GLIS3: variants seen among roughly 807,000 people sequenced by gnomAD.
The protein encoded by GLIS3 is zinc finger protein GLIS3.
Under a neutral mutation model 78.6 loss-of-function variants are expected in GLIS3, and 53 were observed. That is an observed-to-expected ratio of 0.67 (90% CI 0.54 to 0.85). GLIS3 has a LOEUF of 0.85. Among genes scored for constraint, GLIS3 ranks in the 40% least tolerant of loss-of-function variants. The probability of loss-of-function intolerance (pLI) is 0.00; values close to 1 mark genes in which losing one functional copy is unlikely to be tolerated. For synonymous variants in GLIS3, 684 were observed against 509.9 expected, an observed-to-expected ratio of 1.34 and a Z score of -4.60; for missense variants, 1,703 against 1,231.1, an observed-to-expected ratio of 1.38 and a Z score of -5.74.
Position 4,243,396 on chromosome 9 carries a change from A to ATG in GLIS3, c.388+42641_388+42642insCA, listed in dbSNP as rs1554633320. On this transcript the variant is annotated intron_variant, in intron 2 of 10. Transcript: ENST00000381971. Reference sequence around the variant, plus strand: ...TACATGTTTACACATGCACACATACACGCACACACACACACACATACGCAT... The same window carrying ATG: ...TACATGTTTACACATGCACACATACATGCGCACACACACACACACATACGCAT... Among the ~76,000 whole-genome samples, 5 of 147,500 alleles carry ATG rather than the reference A, an allele frequency of 3.4e-5. No homozygotes were observed. In the South Asian group the frequency reaches 8.4e-4, roughly 25 times the overall value.
chr9:3,966,612 T>C (rs12237194), intron 4 of GLIS3, among the ~76,000 whole-genome samples: 2 of 151,930 alleles, frequency 1.3e-5, no homozygotes, highest in East Asian at 1.9e-4. Flanking sequence ...CTGGCCAACA[T>C]GGTGAAACCC....
chr9:4,403,398 C>T, the GLIS3 span, among the ~76,000 whole-genome samples: 1 of 152,048 alleles, frequency 6.6e-6, no homozygotes, highest in African/African-American at 2.4e-5. Flanking sequence ...AGTAAGCACA[C>T]AGAAAAACAC....
In GLIS3 at chr9:4,084,440, A is replaced by T. The variant is rs367635414; in HGVS notation, c.1710+33328T>A. Among the ~76,000 whole-genome samples the T allele has an allele frequency of 3.9e-5, 6 of 152,250 alleles. No homozygotes were observed. The East Asian group carries it at 7.7e-4, about 20-fold the overall frequency. ...AAATTGCTAATGCTATCAAGCCAAG[A>T]GCCTCCAGCAGGTTCGCGTGGTGGA... On this transcript the variant is annotated intron_variant, in intron 4 of 10. Coordinates refer to ENST00000381971, the MANE Select transcript of GLIS3 (RefSeq NM_001042413.2).
At chr9:3,988,373 T>C (rs925445023) in intron 4 of GLIS3, among the ~76,000 whole-genome samples, 4 of 152,170 alleles carry the variant, frequency 2.6e-5, no homozygotes, top group Admixed American at 6.6e-5. Flanking sequence ...TTTACTGTTA[T>C]GTTGATGACT....
At chr9:3,886,183 A>G (rs1822059372) in intron 7 of GLIS3, among the ~76,000 whole-genome samples, 1 of 152,194 alleles carries the variant, frequency 6.6e-6, no homozygotes, top group South Asian at 2.1e-4. Context: ...TATCTAAACT[A>G]CAGATGGAAG....
the GLIS3 span, among the ~76,000 whole-genome samples, chr9:4,475,589 A>G: frequency 6.6e-6 from 1 of 152,244 alleles, no homozygotes; most frequent in East Asian, 1.9e-4. Flanking sequence ...AGATTTCTTT[A>G]TAATAAACCT....
At chr9:4,062,905 G>A (rs1180439770) in intron 4 of GLIS3, among the ~76,000 whole-genome samples, 6 of 151,850 alleles carry the variant, frequency 4.0e-5, no homozygotes, top group African/African-American at 1.2e-4. Context: ...CTTCAGCCTG[G>A]GTGACTGAGC....
intron 2 of GLIS3, among the ~76,000 whole-genome samples, chr9:4,131,039 G>C (rs1027208737): frequency 1.3e-5 from 2 of 152,178 alleles, no homozygotes; most frequent in African/African-American, 4.8e-5. Context: ...TTATTTGGGA[G>C]CTTTAAGATT....
intron 6 of GLIS3, among the ~76,000 whole-genome samples, chr9:3,921,850 GAAT>G (rs1824909774): frequency 6.6e-6 from 1 of 151,342 alleles, no homozygotes; most frequent in African/African-American, 2.4e-5. Context: ...AATAAATTTT[GAAT>G]AATCAAATCT....
chr9:3,830,407 G>A (rs990626608), intron 9 of GLIS3, among the ~76,000 whole-genome samples: 1 of 152,138 alleles, frequency 6.6e-6, no homozygotes, highest in Non-Finnish European at 1.5e-5. Context: ...CATTATTGGA[G>A]GGAGCATTGT....
At chr9:4,393,252 A>G in the GLIS3 span, among the ~76,000 whole-genome samples, 2 of 152,004 alleles carry the variant, frequency 1.3e-5, no homozygotes, top group Admixed American at 6.6e-5. Flanking sequence ...TTCTGTTACT[A>G]TTTCTATTTC....
At chr9:4,384,811 C>G in the GLIS3 span, among the ~76,000 whole-genome samples, 2 of 152,112 alleles carry the variant, frequency 1.3e-5, no homozygotes, top group African/African-American at 4.8e-5. Flanking sequence ...ACCCACTCAA[C>G]CTCCAGCCCC....
intron 9 of GLIS3, among the ~76,000 whole-genome samples, chr9:3,849,804 G>T (rs145982656): frequency 1.3e-5 from 2 of 152,098 alleles, no homozygotes; most frequent in Non-Finnish European, 2.9e-5. Context: ...AGCTACTCAG[G>T]AGGCTGAGGC....
chr9:4,057,583 G>A (rs1235523785), intron 4 of GLIS3, among the ~76,000 whole-genome samples: 2 of 151,736 alleles, frequency 1.3e-5, no homozygotes, highest in Admixed American at 6.6e-5. Flanking sequence ...TGAAAAAAAA[G>A]CACAATGTAA....
chr9:4,222,631 T>C (rs1277725100), intron 2 of GLIS3, among the ~76,000 whole-genome samples: 1 of 152,194 alleles, frequency 6.6e-6, no homozygotes, highest in Non-Finnish European at 1.5e-5. Context: ...ATCACTAATT[T>C]TGCAGGCAAG....
At chr9:4,483,788 C>A in the GLIS3 span, among the ~76,000 whole-genome samples, 2 of 151,310 alleles carry the variant, frequency 1.3e-5, no homozygotes, top group Non-Finnish European at 2.9e-5. Flanking sequence ...CCATCTGGCT[C>A]AACCCTTTCT....
the GLIS3 span, among the ~76,000 whole-genome samples, chr9:4,456,922 A>G: frequency 6.6e-6 from 1 of 152,248 alleles, no homozygotes; most frequent in Non-Finnish European, 1.5e-5. Flanking sequence ...ACAGATCACC[A>G]TAACAGATTA....
chr9:4,084,371 C>A (rs990093321), intron 4 of GLIS3, among the ~76,000 whole-genome samples: 24 of 151,694 alleles, frequency 1.6e-4, no homozygotes, highest in East Asian at 5.8e-4. Context: ...ATTTGAAGAA[C>A]CTTTGGTAGA....
At chr9:4,348,197 C>G (rs765295888) in intron 1 of GLIS3, 2 of 152,170 alleles carry the variant, frequency 1.3e-5, no homozygotes, top group Non-Finnish European at 2.9e-5. Flanking sequence ...TGTAAGAGAA[C>G]ATTTAAATAA....
Sources: gnomAD v4.1 joint callset for allele counts (sites outside exome capture counted in the v4.1 genomes callset) on GRCh38, gnomAD v4.1.1 for gene constraint, MANE v1.5 for transcripts, NCBI Gene and HGNC (gene_info 2026-07-23, HGNC 2026-07-21) for gene names.